CCDC33: variants seen among roughly 807,000 people sequenced by gnomAD.
CCDC33 encodes the protein coiled-coil domain-containing protein 33.
CCDC33 carries 94 observed loss-of-function variants against 91.9 expected under a neutral mutation model. That is an observed-to-expected ratio of 1.02 (90% CI 0.87 to 1.21). CCDC33 has a LOEUF of 1.21. CCDC33 is among the 50% of genes most tolerant of loss of function. The pLI is 0.00. For missense variants in CCDC33, 940 were observed against 935.5 expected (o/e 1.00, Z -0.06); for synonymous variants, 396 against 374.5 (o/e 1.06, Z -0.66).
chr15:74,259,265 G>A (rs535364259), intron 2 of CCDC33, among the ~76,000 whole-genome samples: 2 of 150,558 alleles, frequency 1.3e-5, no homozygotes, highest in Admixed American at 1.3e-4. Context: ...AGGTCTTGGT[G>A]AGGTCCCCTG....
chr15:74,245,721 A>G (rs1595931651), intron 2 of CCDC33, among the ~76,000 whole-genome samples: 1 of 125,084 alleles, frequency 8.0e-6, no homozygotes, highest in African/African-American at 3.0e-5. Context: ...GTCCTCCTGC[A>G]CCCTCCCTGT....
At chr15:74,210,949 T>C (rs2074358710) in intron 2 of CCDC33, among the ~76,000 whole-genome samples, 1 of 152,046 alleles carries the variant, frequency 6.6e-6, no homozygotes, top group African/African-American at 2.4e-5. Context: ...ATGAGTTAAG[T>C]AGAATAGAGC....
At chr15:74,294,454 C>T (rs4887127) in intron 10 of CCDC33, among the ~76,000 whole-genome samples, 1 of 127,826 alleles carries the variant, frequency 7.8e-6, no homozygotes, top group African/African-American at 2.9e-5. Flanking sequence ...AAAAAAAAAA[C>T]AAAAAAAAAG....
rs1290274045 is a variant in CCDC33 at position 74,330,718 on chromosome 15, CAG to C, written c.1513_1514del (p.Arg505GlyfsTer7). On this transcript the variant is annotated frameshift_variant, in exon 13 of 19. Transcript: ENST00000398814. LOFTEE classifies it high-confidence loss of function. ...SELDMKKLRDRVQHLQNELIR... is the reference protein window; with the variant it reads ...SELDMKKLRDXVQHLQNELIR... ...AGCTGGATATGAAGAAACTGAGGGA[CAG>C]GGTGCAGCATTTGCAGAATGAGCTG... 6.2e-7 allele frequency: 1 copy of C among 1,613,446 alleles called. No homozygotes were observed. Among genetic ancestry groups the C allele is most frequent in the African/African-American group, 1.3e-5 (1 of 74,938 alleles).
rs1457984857 is a variant in CCDC33, at chr15:74,244,167, G to T, written c.185+19G>T. On this transcript the variant is annotated intron_variant, in intron 2 of 18. Coordinates refer to ENST00000398814, the MANE Select transcript of CCDC33 (RefSeq NM_025055.5). This position sits in a 1 kb window ranked among gnomAD's most constrained non-coding sequence, Gnocchi z 4.2. ...TGGTGGTGTAAGTAGCTGCGTGAGA[G>T]TGGGGGCAGGGGATGGGTTGGGCTG... 1 of 1,599,382 alleles carries T rather than the reference G, an allele frequency of 6.3e-7. No homozygotes were observed. The highest frequency in any genetic ancestry group is 1.7e-4 in the Middle Eastern group (1 of 5,984).
At chr15:74,248,017 C>T (rs1435853057) in intron 2 of CCDC33, among the ~76,000 whole-genome samples, 4 of 151,846 alleles carry the variant, frequency 2.6e-5, no homozygotes, top group Admixed American at 6.6e-5. Context: ...GTGGAGGTTG[C>T]GCTGAGCCGA....
chr15:74,272,865 C>G lies in CCDC33; in HGVS notation c.733C>G (p.Arg245Gly), dbSNP rs757090698. The part of the protein sequence containing the change: ...IPSMMNFDVP[R>G]VSQNGCPQLS... The stretch of plus-strand genomic sequence containing the variant: ...GTCCATGATGAACTTTGACGTGCCT[C>G]GCGTCAGCCAGAACGGATGCCCTCA... Residue 245 changes from arginine to glycine, a missense_variant, in exon 7 of 19, where the codon CGC becomes GGC. Coordinates refer to ENST00000398814, the MANE Select transcript of CCDC33 (RefSeq NM_025055.5). The G allele has an allele frequency of 2.7e-5, 43 of 1,614,084 alleles. No individual in the cohort carries two copies. The highest frequency in any genetic ancestry group is 3.4e-5 in the Non-Finnish European group (40 of 1,180,022).
At chr15:74,285,006 C>T (rs2059444291) in intron 10 of CCDC33, among the ~76,000 whole-genome samples, 1 of 152,268 alleles carries the variant, frequency 6.6e-6, no homozygotes, top group Admixed American at 6.5e-5. Context: ...GTCCTGTGGA[C>T]ACTCCAGCTG....
At chr15:74,291,308 A>G (rs556871960) in intron 10 of CCDC33, among the ~76,000 whole-genome samples, 42 of 152,380 alleles carry the variant, frequency 2.8e-4, no homozygotes, top group African/African-American at 9.9e-4. Context: ...CAAAGCAGTG[A>G]CTGATCGGGG....
At chr15:74,334,863 C>T (rs1002889122) in intron 17 of CCDC33, 112 bp from the exon 18 acceptor site, 11 of 933,126 alleles carry the variant, frequency 1.2e-5, no homozygotes, top group Non-Finnish European at 1.7e-5. Flanking sequence ...GCCCACATGG[C>T]CCAGAGCTTT....
rs1010619577 is a variant in CCDC33, at chr15:74,316,606, G to T, written c.1291-13583G>T. Among the ~76,000 whole-genome samples, 6 of 152,074 alleles carry T rather than the reference G, an allele frequency of 3.9e-5. No individual in the cohort carries two copies. The highest frequency in any genetic ancestry group is 6.5e-5 in the Admixed American group (1 of 15,274). On this transcript the variant is annotated intron_variant, in intron 11 of 18. Coordinates refer to ENST00000398814, the MANE Select transcript of CCDC33 (RefSeq NM_025055.5). The surrounding 1 kb of genome is among the most constrained non-coding windows in gnomAD (Gnocchi z 4.7). ...CATTTCCCTGGTGGGGAGGCTGAGGGGCAGGAGCAGGAAGATTTAAGGCCC... is the reference window on the plus strand; with the variant it reads ...CATTTCCCTGGTGGGGAGGCTGAGGTGCAGGAGCAGGAAGATTTAAGGCCC...
At chr15:74,235,494 C>A (rs1288811507), upstream of CCDC33, among the ~76,000 whole-genome samples, 1 of 152,174 alleles carries the variant, frequency 6.6e-6, no homozygotes, top group Non-Finnish European at 1.5e-5. Context: ...CAGGGGCCCC[C>A]CAAACACTTC....
At chr15:74,207,704 G>A (rs2074292084) in intron 1 of CCDC33, 1 of 1,535,714 alleles carries the variant, frequency 6.5e-7, no homozygotes, top group Non-Finnish European at 8.7e-7. Flanking sequence ...CACCTGTGCA[G>A]CCCAGTCCCC....
intron 6 of CCDC33, among the ~76,000 whole-genome samples, chr15:74,272,299 C>G (rs948904043): frequency 2.0e-5 from 3 of 152,198 alleles, no homozygotes; most frequent in African/African-American, 7.2e-5. Context: ...TCTCCTCCCT[C>G]CTCATCCTGG....
chr15:74,308,055 G>A (rs1333367374), intron 11 of CCDC33, among the ~76,000 whole-genome samples: 1 of 152,108 alleles, frequency 6.6e-6, no homozygotes, highest in African/African-American at 2.4e-5. Flanking sequence ...CCCAGGGTGA[G>A]GTCTAAAGCG....
intron 3 of CCDC33, among the ~76,000 whole-genome samples, chr15:74,262,908 A>G (rs921276896): frequency 6.6e-6 from 1 of 152,094 alleles, no homozygotes; most frequent in African/African-American, 2.4e-5. Context: ...CACATCACTC[A>G]TTGGAGTCAC....
intron 2 of CCDC33, among the ~76,000 whole-genome samples, chr15:74,252,724 A>G (rs1292919613): frequency 1.3e-5 from 2 of 152,186 alleles, no homozygotes; most frequent in African/African-American, 2.4e-5. Flanking sequence ...CCCATGGGAA[A>G]AAAGACAAGG....
chr15:74,215,146 G>C (rs1423416492), upstream of CCDC33, among the ~76,000 whole-genome samples: 1 of 152,200 alleles, frequency 6.6e-6, no homozygotes. Context: ...TAGGGCTGCT[G>C]TCGGGTGGAG....
intron 11 of CCDC33, 50 bp downstream of exon 11, chr15:74,295,998 G>T: frequency 6.6e-7 from 1 of 1,504,398 alleles, no homozygotes; most frequent in Admixed American, 2.0e-5. Context: ...ATGAGGCCAT[G>T]GGAAGGGGAC....
Sources: allele counts gnomAD v4.1 joint callset (sites outside exome capture counted in the v4.1 genomes callset), GRCh38; gene constraint gnomAD v4.1.1; non-coding constraint Gnocchi (gnomAD v3.1); transcripts MANE v1.5; gene names NCBI Gene and HGNC (gene_info 2026-07-23, HGNC 2026-07-21).